The following CCDC198 variants were observed in gnomAD, a reference collection of about 807,000 sequenced individuals.
CCDC198 encodes the protein factor associated with metabolism and energy.
A neutral mutation model predicts 35.6 loss-of-function variants in CCDC198; 18 were observed. That is an observed-to-expected ratio of 0.51 (90% confidence interval 0.35 to 0.75). CCDC198 has a LOEUF of 0.75. Among genes scored for constraint, CCDC198 ranks in the 30% least tolerant of loss-of-function variants. The pLI, the probability that CCDC198 is intolerant of heterozygous loss-of-function variation, is 0.01. For missense variants in CCDC198, 365 were observed against 343.7 expected (o/e 1.06, Z -0.49); for synonymous variants, 119 against 113.4 (o/e 1.05, Z -0.31).
At chr14:57,483,295 T>C in intron 2 of CCDC198, 144 bp from the exon 3 acceptor site, 1 of 1,241,230 alleles carries the variant, frequency 8.1e-7, no homozygotes, top group Non-Finnish European at 1.1e-6. Flanking sequence ...TCTAACAGCA[T>C]TACAGTTATA....
At chr14:57,471,731 T>C (rs200000398) in intron 5 of CCDC198, 141 bp from the exon 6 acceptor site, 2 of 3,796 alleles carry the variant, frequency 5.3e-4, no homozygotes, top group African/African-American at 5.7e-4. Context: ...ATATATATAA[T>C]ATATATATAT....
chr14:57,478,450 G>T, intron 5 of CCDC198: 1 of 985,072 alleles, frequency 1.0e-6, no homozygotes, highest in Non-Finnish European at 1.2e-6. Context: ...CTTATAGTAA[G>T]CACTCAACAA....
chr14:57,493,667 G>A lies in CCDC198; in HGVS notation c.49C>T (p.Pro17Ser), dbSNP rs1459584440. ...GTCTCTACCTCTTTGTTTTGCAAAG[G>A]TGCTACTTTGATCACCCTAAGGTGA... ...KTHLRVIKVA[P>S]LQNKEVETPS... is the part of the protein sequence containing the mutation. Residue 17 changes from proline (P) to serine (S), a missense_variant, in exon 1 of 6, where the codon CCT becomes TCT. Transcript: ENST00000216445. 1.9e-6 allele frequency: 3 copies of A among 1,613,682 alleles called. No individual in the cohort carries two copies. Among genetic ancestry groups the A allele is most frequent in the Non-Finnish European group, 2.5e-6 (3 of 1,179,904 alleles).
Position 57,483,232 on chromosome 14 carries a change from T to A in CCDC198, c.307-81A>T, listed in dbSNP as rs906929611. The A allele has an allele frequency of 3.1e-6, 5 of 1,601,862 alleles. No homozygotes were observed. The African/African-American group carries it at 6.7e-5, about 21-fold the overall frequency. On this transcript the variant is annotated intron_variant, in intron 2 of 5. Coordinates refer to ENST00000216445, the MANE Select transcript of CCDC198 (RefSeq NM_018168.4). ...CAGAAAAGCCAGACATTAAATTATC[T>A]TAACACTTTGCAAAAGCGGCACTTA...
At position 57,471,328 on chromosome 14, in the gene CCDC198, C is replaced by CA; in HGVS notation, c.*26dup. The CA allele has an allele frequency of 6.5e-7, 1 of 1,538,216 alleles. No homozygotes were observed. Among genetic ancestry groups the CA allele is most frequent in the Non-Finnish European group, 8.9e-7 (1 of 1,119,288 alleles). On this transcript the variant is annotated 3_prime_UTR_variant, in exon 6 of 6. Transcript: ENST00000216445. The stretch of plus-strand genomic sequence containing the variant: ...GAGTAAAACAAGCTTTCAAAGCACT[C>CA]AGTTTCTAGGTTAATGAATAGTATT...
At chr14:57,482,503 A>G (rs191311166) in intron 3 of CCDC198, among the ~76,000 whole-genome samples, 135 of 152,278 alleles carry the variant, frequency 8.9e-4, no homozygotes, top group Non-Finnish European at 1.6e-3. Flanking sequence ...TTAGGAGTGG[A>G]AAGTGTTGAA....
chr14:57,478,892 G>A, intron 5 of CCDC198: 5 of 1,197,680 alleles, frequency 4.2e-6, no homozygotes, highest in Non-Finnish European at 5.3e-6. Flanking sequence ...AGAAGTTCAA[G>A]ACCTCCAGAG....
Position 57,493,633 on chromosome 14 carries a change from GC to G in CCDC198, c.82del (p.Ala28LeufsTer85), listed in dbSNP as rs2139579793. ...ATTGAATGCAAAGTCCACACGGCCA[GC>G]CGAGGGAGTCTCTACCTCTTTGTTT... ...LQNKEVETPS[A>X]GRVDFAFNQN... On this transcript the variant is annotated frameshift_variant, in exon 1 of 6. Coordinates refer to ENST00000216445, the MANE Select transcript of CCDC198 (RefSeq NM_018168.4). LOFTEE classifies it high-confidence loss of function. The G allele has an allele frequency of 1.2e-6, 2 of 1,613,942 alleles. No individual in the cohort carries two copies. Among genetic ancestry groups the G allele is most frequent in the Non-Finnish European group, 1.7e-6 (2 of 1,179,908 alleles).
At chr14:57,490,124 A>G (rs969905682) in intron 2 of CCDC198, among the ~76,000 whole-genome samples, 1 of 152,132 alleles carries the variant, frequency 6.6e-6, no homozygotes, top group Non-Finnish European at 1.5e-5. Context: ...AATGAGCTCC[A>G]GTACCCCTGG....
chr14:57,471,241 C>CT lies in CCDC198; in HGVS notation c.*113dup, dbSNP rs1215470037. The CT allele has an allele frequency of 2.7e-6, 2 of 736,766 alleles. No individual in the cohort carries two copies. Among genetic ancestry groups the CT allele is most frequent in the East Asian group, 5.4e-5 (2 of 36,770 alleles). The allele number at this position is 736,766 out of a possible 1,614,324, so 45.6% of individuals were successfully genotyped here. A position where few individuals can be genotyped will look rare whatever the true frequency, so the allele number is the denominator to read the frequency against. The stretch of plus-strand genomic sequence containing the variant: ...TCATAAGACTCTAAAGATATCATTT[C>CT]TTTTTACCAAAGTGATTTGCTGTCC... On this transcript the variant is annotated 3_prime_UTR_variant, in exon 6 of 6. Coordinates refer to ENST00000216445, the MANE Select transcript of CCDC198 (RefSeq NM_018168.4).
chr14:57,471,439 C>T lies in CCDC198; in HGVS notation c.807G>A (p.Gly269=). Residue 269 remains glycine (G), a synonymous_variant, in exon 6 of 6, where the codon GGG becomes GGA. Transcript: ENST00000216445. ...DSSSSDSDEQ[G]KDEKKPRALV... ...GTGCTCGTGGCTTCTTCTCATCTTT[C>T]CCCTGCTCATCTGAGTCAGAGCTGG... 1.9e-6 allele frequency: 3 copies of T among 1,613,946 alleles called. No homozygotes were observed. The highest frequency in any genetic ancestry group is 2.5e-6 in the Non-Finnish European group (3 of 1,179,942).
chr14:57,482,319 A>T (rs1488381465), intron 3 of CCDC198, among the ~76,000 whole-genome samples: 3 of 152,126 alleles, frequency 2.0e-5, no homozygotes, highest in Non-Finnish European at 1.5e-5. Flanking sequence ...GTTTGACAAT[A>T]CCTTTTGTGT....
At chr14:57,479,391 A>G (rs989271007) in intron 5 of CCDC198, among the ~76,000 whole-genome samples, 1 of 152,158 alleles carries the variant, frequency 6.6e-6, no homozygotes, top group African/African-American at 2.4e-5. Flanking sequence ...ACTTAGCTCC[A>G]TGTTAAGGAG....
At chr14:57,484,524 G>C (rs2067292939) in intron 2 of CCDC198, among the ~76,000 whole-genome samples, 2 of 152,162 alleles carry the variant, frequency 1.3e-5, no homozygotes, top group Non-Finnish European at 2.9e-5. Flanking sequence ...AAAGGGCTAG[G>C]GAGGCAGTTC....
intron 2 of CCDC198, 93 bp downstream of exon 2, chr14:57,490,896 T>C: frequency 8.4e-7 from 1 of 1,195,650 alleles, no homozygotes; most frequent in Non-Finnish European, 1.2e-6. Flanking sequence ...GCTTGGTCCT[T>C]ATCAATATCC....
chr14:57,491,333 T>C (rs113518893), intron 1 of CCDC198, among the ~76,000 whole-genome samples: 1 of 152,066 alleles, frequency 6.6e-6, no homozygotes, highest in African/African-American at 2.4e-5. Flanking sequence ...GGGGGAGAGT[T>C]ACAAAATTAC....
At chr14:57,474,139 C>T (rs1014072488) in intron 5 of CCDC198, among the ~76,000 whole-genome samples, 4 of 152,230 alleles carry the variant, frequency 2.6e-5, no homozygotes, top group Non-Finnish European at 2.9e-5. Flanking sequence ...ATCTGCCTGG[C>T]TCATCACCAT....
chr14:57,475,638 C>T (rs10138077), intron 5 of CCDC198: 75 of 391,654 alleles, frequency 1.9e-4, no homozygotes, highest in Middle Eastern at 5.0e-4. Context: ...ACTTGGGAGG[C>T]GAAGTTTGCG....
At chr14:57,484,321 C>T (rs535144707) in intron 2 of CCDC198, among the ~76,000 whole-genome samples, 41 of 152,250 alleles carry the variant, frequency 2.7e-4, no homozygotes, top group African/African-American at 9.1e-4. Context: ...CACACACAGG[C>T]AGGACACGAT....
Sources: allele counts gnomAD v4.1 joint callset (sites outside exome capture counted in the v4.1 genomes callset), GRCh38; gene constraint gnomAD v4.1.1; transcripts MANE v1.5; gene names NCBI Gene and HGNC (gene_info 2026-07-23, HGNC 2026-07-21).